Variants in GLIS3 observed in about 807,000 individuals in gnomAD.
The protein encoded by GLIS3 is zinc finger protein GLIS3.
A neutral mutation model predicts 78.6 loss-of-function variants in GLIS3; 53 were observed. The ratio of observed to expected loss-of-function variants is 0.67; its 90% CI spans 0.54 to 0.85. The LOEUF (loss-of-function observed/expected upper bound fraction) is 0.85. Among genes scored for constraint, GLIS3 ranks in the 40% least tolerant of loss-of-function variants. The pLI is 0.00. For missense variants in GLIS3, 1,703 were observed against 1,231.1 expected, an observed-to-expected ratio of 1.38 and a Z score of -5.74; for synonymous variants, 684 against 509.9, an observed-to-expected ratio of 1.34 and a Z score of -4.60.
intron 4 of GLIS3, among the ~76,000 whole-genome samples, chr9:3,960,421 G>T (rs953534702): frequency 9.9e-5 from 15 of 152,132 alleles, no homozygotes; most frequent in African/African-American, 3.6e-4. Context: ...CATTTTCTAT[G>T]TATTTCTCCT....
intron 4 of GLIS3, among the ~76,000 whole-genome samples, chr9:4,306,429 G>C (rs1389959335): frequency 1.3e-5 from 2 of 152,182 alleles, no homozygotes; most frequent in Non-Finnish European, 2.9e-5. Context: ...AGTCAACCCT[G>C]TGAGGGTCAG....
chr9:3,961,242 G>C (rs1817528560), intron 4 of GLIS3, among the ~76,000 whole-genome samples: 1 of 152,184 alleles, frequency 6.6e-6, no homozygotes, highest in African/African-American at 2.4e-5. Context: ...TCTGACCCCA[G>C]AAGATGTGGA....
At chr9:3,948,371 C>T (rs1816439282) in intron 4 of GLIS3, among the ~76,000 whole-genome samples, 1 of 152,220 alleles carries the variant, frequency 6.6e-6, no homozygotes, top group Non-Finnish European at 1.5e-5. Context: ...TATGTTCACT[C>T]ATGGCTAAGA....
chr9:4,153,851 A>C (rs921356758), intron 2 of GLIS3, among the ~76,000 whole-genome samples: 1 of 152,180 alleles, frequency 6.6e-6, no homozygotes, highest in Non-Finnish European at 1.5e-5. Flanking sequence ...TTAAAACAAC[A>C]ATTTATTATT....
chr9:4,113,078 T>C (rs1310636431), intron 4 of GLIS3, among the ~76,000 whole-genome samples: 1 of 152,078 alleles, frequency 6.6e-6, no homozygotes, highest in Non-Finnish European at 1.5e-5. Flanking sequence ...TAAATATACA[T>C]AAATTGTATT....
chr9:3,888,008 C>T (rs1822190113), intron 7 of GLIS3, among the ~76,000 whole-genome samples: 1 of 152,074 alleles, frequency 6.6e-6, no homozygotes, highest in Non-Finnish European at 1.5e-5. Context: ...GGATTCATGA[C>T]ACAGAAAGTC....
At chr9:3,980,541 G>T (rs1229907067) in intron 4 of GLIS3, among the ~76,000 whole-genome samples, 4 of 152,182 alleles carry the variant, frequency 2.6e-5, no homozygotes, top group African/African-American at 9.7e-5. Context: ...TGACCTTGCT[G>T]TGTGTTTAGA....
chr9:3,953,759 T>TGC (rs1351844565), intron 4 of GLIS3, among the ~76,000 whole-genome samples: 31 of 111,354 alleles, frequency 2.8e-4, no homozygotes, highest in African/African-American at 9.6e-4. Flanking sequence ...TAATTAGATT[T>TGC]GCTCTCTCTC....
At chr9:4,365,326 G>C in the GLIS3 span, among the ~76,000 whole-genome samples, 1 of 152,156 alleles carries the variant, frequency 6.6e-6, no homozygotes, top group African/African-American at 2.4e-5. Flanking sequence ...GGGAGGCTGA[G>C]TCAGGTGGAT....
intron 2 of GLIS3, among the ~76,000 whole-genome samples, chr9:4,268,008 T>C (rs1025587489): frequency 2.0e-5 from 3 of 152,084 alleles, no homozygotes; most frequent in African/African-American, 7.2e-5. Context: ...TGTGTGAATA[T>C]ATACATAGAT....
the GLIS3 span, among the ~76,000 whole-genome samples, chr9:4,485,439 C>T: frequency 7.2e-5 from 11 of 152,200 alleles, no homozygotes; most frequent in African/African-American, 2.7e-4. Context: ...ATAAGGACCA[C>T]TTTCCACACC....
the GLIS3 span, among the ~76,000 whole-genome samples, chr9:4,462,635 ACACG>A: frequency 2.9e-5 from 4 of 140,146 alleles, no homozygotes; most frequent in African/African-American, 1.1e-4. Context: ...ACACACACAG[ACACG>A]CACACACACA....
intron 4 of GLIS3, among the ~76,000 whole-genome samples, chr9:4,064,028 T>G (rs1171531150): frequency 6.6e-6 from 1 of 152,004 alleles, no homozygotes; most frequent in Non-Finnish European, 1.5e-5. Context: ...AACTCTGAAA[T>G]GTAGAAGCTC....
At chr9:4,394,237 T>C in the GLIS3 span, among the ~76,000 whole-genome samples, 6 of 151,622 alleles carry the variant, frequency 4.0e-5, no homozygotes, top group African/African-American at 1.2e-4. Context: ...TTAGGAGACA[T>C]TGATTCAATT....
At chr9:4,362,082 A>G in the GLIS3 span, among the ~76,000 whole-genome samples, 2 of 152,216 alleles carry the variant, frequency 1.3e-5, no homozygotes, top group Non-Finnish European at 1.5e-5. Context: ...TTGGATCACT[A>G]AAGGGTGCTC....
At chr9:4,333,823 A>C (rs1817717511) in intron 2 of GLIS3, among the ~76,000 whole-genome samples, 1 of 148,586 alleles carries the variant, frequency 6.7e-6, no homozygotes, top group African/African-American at 2.5e-5. Context: ...CCCAAGAGAA[A>C]TTATATTATC....
At chr9:3,951,158 T>G (rs1304028102) in intron 4 of GLIS3, among the ~76,000 whole-genome samples, 1 of 152,222 alleles carries the variant, frequency 6.6e-6, no homozygotes, top group East Asian at 1.9e-4. Context: ...ATAAATAGCT[T>G]CACTAAATAC....
intron 3 of GLIS3, among the ~76,000 whole-genome samples, chr9:4,310,139 C>T (rs1817325469): frequency 6.6e-6 from 1 of 152,184 alleles, no homozygotes; most frequent in South Asian, 2.1e-4. Context: ...TTTCACATTA[C>T]ACAGGGCCAA....
the GLIS3 span, among the ~76,000 whole-genome samples, chr9:4,397,345 T>C: frequency 6.6e-6 from 1 of 151,746 alleles, no homozygotes; most frequent in African/African-American, 2.4e-5. Flanking sequence ...TATTTTTATT[T>C]TGTGGGTTTT....
Sources: allele counts gnomAD v4.1 joint callset (sites outside exome capture counted in the v4.1 genomes callset), GRCh38; gene constraint gnomAD v4.1.1; transcripts MANE v1.5; gene names NCBI Gene and HGNC (gene_info 2026-07-23, HGNC 2026-07-21).